The following GON4L variants were observed in gnomAD, a reference collection of about 807,000 sequenced individuals.
GON4L encodes GON-4-like protein.
Under a neutral mutation model 211.8 loss-of-function variants are expected in GON4L, and 87 were observed. That is an observed-to-expected ratio of 0.41 (90% CI 0.35 to 0.49). GON4L has a LOEUF of 0.49. Among genes scored for constraint, GON4L ranks in the 20% least tolerant of loss-of-function variants. GON4L has a pLI of 0.15. For missense variants in GON4L, 2,155 were observed against 2,659.5 expected (o/e 0.81, Z 4.17); for synonymous variants, 875 against 962.6 (o/e 0.91, Z 1.68).
At chr1:155,789,021 C>T (rs943810384) in intron 12 of GON4L, among the ~76,000 whole-genome samples, 1 of 147,988 alleles carries the variant, frequency 6.8e-6, no homozygotes, top group Non-Finnish European at 1.5e-5. Flanking sequence ...ACCTGGTAGG[C>T]GGAGCTTGCA....
intron 10 of GON4L, among the ~76,000 whole-genome samples, chr1:155,809,889 C>CTT (rs1557885818): frequency 3.6e-4 from 4 of 10,974 alleles, no homozygotes; most frequent in African/African-American, 9.3e-4. Flanking sequence ...AAATTATATA[C>CTT]ATATATATAA....
chr1:155,827,956 C>A (rs374336421), intron 2 of GON4L, among the ~76,000 whole-genome samples: 1 of 152,014 alleles, frequency 6.6e-6, no homozygotes, highest in East Asian at 1.9e-4. Flanking sequence ...TCGGGACCAG[C>A]CTGAGCAACA....
At chr1:155,790,428 A>C (rs575711271) in intron 12 of GON4L, among the ~76,000 whole-genome samples, 40 of 146,544 alleles carry the variant, frequency 2.7e-4, no homozygotes, top group Non-Finnish European at 4.9e-4. Flanking sequence ...TTTTTTGTAG[A>C]GATGGAATCT....
At position 155,826,874 on chromosome 1, in the gene GON4L, C is replaced by T. The variant is rs1356228378; in HGVS notation, c.660G>A (p.Glu220=). 6.2e-7 allele frequency: 1 copy of T among 1,613,502 alleles called. No homozygotes were observed. Among genetic ancestry groups the T allele is most frequent in the East Asian group, 2.2e-5 (1 of 44,880 alleles). Reference sequence around the variant, plus strand: ...AGAGTCCACCATCTTCTATCTCTTCCTCAGGTTGGTGAAACAGAGTCCTGA... The same window carrying T: ...AGAGTCCACCATCTTCTATCTCTTCTTCAGGTTGGTGAAACAGAGTCCTGA... ...KPLRTLFHQP[E]EEIEDGGLFI... is the part of the protein sequence containing the mutation. The change falls in exon 3 of 32, where the codon GAG becomes GAA. Residue 220 remains glutamate, a synonymous_variant. Coordinates refer to ENST00000368331, the MANE Select transcript of GON4L (RefSeq NM_001282860.2).
At chr1:155,838,089 T>C (rs1670471441) in intron 2 of GON4L, among the ~76,000 whole-genome samples, 1 of 130,480 alleles carries the variant, frequency 7.7e-6, no homozygotes, top group Admixed American at 8.5e-5. Context: ...TGAGACTCCA[T>C]CTCTAAAACA....
chr1:155,841,204 G>C (rs1056689346), intron 2 of GON4L, among the ~76,000 whole-genome samples: 4 of 152,062 alleles, frequency 2.6e-5, no homozygotes, highest in Non-Finnish European at 5.9e-5. Context: ...ACTAGGGCAG[G>C]GCTTATGACT....
intron 2 of GON4L, among the ~76,000 whole-genome samples, chr1:155,831,335 A>G (rs1669744405): frequency 6.6e-6 from 1 of 151,978 alleles, no homozygotes; most frequent in Non-Finnish European, 1.5e-5. Flanking sequence ...CTGTAATTCC[A>G]GCGTTTTGGG....
In GON4L at chr1:155,776,406, T is replaced by A; in HGVS notation, c.2167A>T (p.Arg723Trp). 2 of 1,605,874 alleles carry A rather than the reference T, an allele frequency of 1.2e-6. No homozygotes were observed. Among genetic ancestry groups the A allele is most frequent in the South Asian group, 2.2e-5 (2 of 90,894 alleles). Residue 723 changes from arginine to tryptophan, a missense_variant, in exon 16 of 32, where the codon AGG becomes TGG. Around this residue, in one of 6 missense-constraint regions of GON4L, gnomAD observed 551 missense variants for 854.0 expected, o/e 0.65. Coordinates refer to ENST00000368331, the MANE Select transcript of GON4L (RefSeq NM_001282860.2). ...PNLNPEATTTRIFLKELGTFA... is the reference protein window; with the variant it reads ...PNLNPEATTTWIFLKELGTFA... ...ATTTGGAAACTTACAAGAAATATCCTGGTGGTAGTGGCCTCCGGATTGAGG... is the reference window on the plus strand; with the variant it reads ...ATTTGGAAACTTACAAGAAATATCCAGGTGGTAGTGGCCTCCGGATTGAGG...
intron 2 of GON4L, among the ~76,000 whole-genome samples, chr1:155,830,552 C>CA (rs1293347684): frequency 6.6e-6 from 1 of 152,028 alleles, no homozygotes; most frequent in Non-Finnish European, 1.5e-5. Flanking sequence ...GCTGGGATTA[C>CA]AGGCACGAGC....
rs757583783 is a variant in GON4L at position 155,773,209 on chromosome 1, C to T, written c.2352G>A (p.Ala784=). ...GCTTTGGCAAACAGGGAAATTCATT[C>T]GCTATAAGAAAATAAATCTCGGATA... ...CSPHKTVKKT[A]NEFPCLPKQV... The change falls in exon 18 of 32, where the codon GCG becomes GCA. Residue 784 remains alanine (A), a splice_region_variant and synonymous_variant. Transcript: ENST00000368331. 40 of 1,613,830 alleles carry T rather than the reference C, an allele frequency of 2.5e-5. No homozygotes were observed. Among genetic ancestry groups the T allele is most frequent in the Non-Finnish European group, 3.1e-5 (37 of 1,179,942 alleles).
rs936785157 is a variant in GON4L at position 155,828,317 on chromosome 1, C to T, written c.506-1289G>A. Among the ~76,000 whole-genome samples, 6 of 151,656 alleles carry T rather than the reference C, an allele frequency of 4.0e-5. No homozygotes were observed. In the South Asian group the frequency reaches 1.0e-3, roughly 26 times the overall value. On this transcript the variant is annotated intron_variant, in intron 2 of 31. Coordinates refer to ENST00000368331, the MANE Select transcript of GON4L (RefSeq NM_001282860.2). ...CAGCCTGGCCAACATGATGAAACCT[C>T]GGCTGTAAAAAAAGAATACAAAAAT...
At chr1:155,788,857 A>G (rs1227589740) in intron 12 of GON4L, among the ~76,000 whole-genome samples, 1 of 152,110 alleles carries the variant, frequency 6.6e-6, no homozygotes, top group African/African-American at 2.4e-5. Context: ...TTGGGAGTCC[A>G]GGGCAGGTGG....
At chr1:155,808,928 T>A (rs1266195063) in intron 10 of GON4L, among the ~76,000 whole-genome samples, 2 of 152,050 alleles carry the variant, frequency 1.3e-5, no homozygotes, top group African/African-American at 2.4e-5. Flanking sequence ...TTTAAAATTT[T>A]TTTTAAAAAA....
At chr1:155,830,461 G>C (rs1402060050) in intron 2 of GON4L, among the ~76,000 whole-genome samples, 1 of 150,938 alleles carries the variant, frequency 6.6e-6, no homozygotes. Flanking sequence ...ATTTTTAGTA[G>C]AGATGGGGTT....
intron 3 of GON4L, among the ~76,000 whole-genome samples, chr1:155,825,868 C>T (rs1251595425): frequency 5.4e-5 from 2 of 37,220 alleles, no homozygotes; most frequent in East Asian, 8.0e-4. Flanking sequence ...CACGGTGAAA[C>T]CCCGTCTCTA....
At chr1:155,754,163 T>C in intron 28 of GON4L, 1 of 606,190 alleles carries the variant, frequency 1.6e-6, no homozygotes. Flanking sequence ...TTTTTCCAAT[T>C]CCAAAAGCTT....
In GON4L at chr1:155,750,697, G is replaced by A. The variant is rs2101593334; in HGVS notation, c.6613C>T (p.His2205Tyr). 1 of 1,586,036 alleles carries A rather than the reference G, an allele frequency of 6.3e-7. No individual in the cohort carries two copies. Among genetic ancestry groups the A allele is most frequent in the East Asian group, 2.3e-5 (1 of 43,712 alleles). The stretch of plus-strand genomic sequence containing the variant: ...TCAGAGCTGGCTTCACAGGCAGTGT[G>A]GAAGAGCTGCATGAGTTCTCGAAAA... Reference protein sequence around the residue: ...HRFRELMQLFHTACEASSEDE... With the variant: ...HRFRELMQLFYTACEASSEDE... Residue 2205 changes from histidine to tyrosine, a missense_variant, in exon 32 of 32, where the codon CAC becomes TAC. His to Tyr is a moderately conservative substitution (Grantham distance 83). Coordinates refer to ENST00000368331, the MANE Select transcript of GON4L (RefSeq NM_001282860.2).
Position 155,750,689 on chromosome 1 carries a change from G to C in GON4L, c.6621C>G (p.Ala2207=), listed in dbSNP as rs181073681. ...CCTCATCCTCAGAGCTGGCTTCACA[G>C]GCAGTGTGGAAGAGCTGCATGAGTT... ...FRELMQLFHT[A]CEASSEDEDD... The change falls in exon 32 of 32, where the codon GCC becomes GCG. Residue 2207 remains alanine, a synonymous_variant. Coordinates refer to ENST00000368331, the MANE Select transcript of GON4L (RefSeq NM_001282860.2). The C allele has an allele frequency of 1.3e-6, 2 of 1,585,686 alleles. No individual in the cohort carries two copies. The highest frequency in any genetic ancestry group is 8.6e-7 in the Non-Finnish European group (1 of 1,166,242).
rs537776826 is a variant in GON4L, at chr1:155,751,910, G to A, written c.6474-41C>T. 1.7e-5 allele frequency: 27 copies of A among 1,610,526 alleles called. No individual in the cohort carries two copies. In the East Asian group the frequency reaches 6.0e-4, roughly 36 times the overall value. On this transcript the variant is annotated intron_variant, in intron 30 of 31. Transcript: ENST00000368331. ...CATGATTAACCCTAGGGAGCCACAT[G>A]GATGTGGTCTATGCTCTTTTCCAAA...
Sources: allele counts gnomAD v4.1 joint callset (sites outside exome capture counted in the v4.1 genomes callset), GRCh38; gene constraint gnomAD v4.1.1; regional missense constraint gnomAD v4.1.1; transcripts MANE v1.5; gene names NCBI Gene and HGNC (gene_info 2026-07-23, HGNC 2026-07-21).